The following FOCAD variants were observed in gnomAD, a reference collection of about 807,000 sequenced individuals.
The protein encoded by FOCAD is KIAA1797.
Under a neutral mutation model 225.6 loss-of-function variants are expected in FOCAD, and 198 were observed. That is an observed-to-expected ratio of 0.88 (90% CI 0.78 to 0.99). FOCAD has a LOEUF of 0.99. FOCAD is among the 50% of genes least tolerant of loss of function. The pLI is 0.00. For missense variants in FOCAD, 2,713 were observed against 2,123.6 expected (o/e 1.28, Z -5.46); for synonymous variants, 897 against 755.0 (o/e 1.19, Z -3.08).
chr9:20,693,291 C>T (rs550226995), intron 1 of FOCAD, among the ~76,000 whole-genome samples: 3 of 152,316 alleles, frequency 2.0e-5, no homozygotes, highest in South Asian at 2.1e-4. Context: ...TCTGAGATGA[C>T]GAAACTGCTC....
intron 33 of FOCAD, 32 bp from the exon 34 acceptor site, chr9:20,950,964 C>G: frequency 3.9e-6 from 6 of 1,557,584 alleles, no homozygotes; most frequent in South Asian, 1.1e-5. Context: ...GGATCTTATC[C>G]CATCATTGAA....
At chr9:20,734,161 T>A (rs1167152704) in intron 4 of FOCAD, among the ~76,000 whole-genome samples, 1 of 152,248 alleles carries the variant, frequency 6.6e-6, no homozygotes, top group African/African-American at 2.4e-5. Flanking sequence ...CTTTTTTTTC[T>A]TTTCTTAAAA....
chr9:20,694,022 T>A (rs1291725250), intron 1 of FOCAD, among the ~76,000 whole-genome samples: 1 of 152,226 alleles, frequency 6.6e-6, no homozygotes, highest in African/African-American at 2.4e-5. Context: ...CAATCCATTT[T>A]TTAAAAGAGG....
chr9:20,820,326 G>A lies in FOCAD; in HGVS notation c.1563G>A (p.Val521=), dbSNP rs372426888. The change falls in exon 13 of 44, where the codon GTG becomes GTA. Residue 521 remains valine (V), a splice_region_variant and synonymous_variant. Coordinates refer to ENST00000338382, the MANE Select transcript of FOCAD (RefSeq NM_001375567.1). ...AGAGTTTCTTCAATATTTTCTAGGT[G>A]TGTATAGGACAAATTCTACGAATAA... The part of the protein sequence containing the change: ...YTLPKLGVHK[V]CIGQILRIIQ... The A allele has an allele frequency of 1.9e-6, 3 of 1,607,152 alleles. No individual in the cohort carries two copies. Among genetic ancestry groups the A allele is most frequent in the African/African-American group, 2.7e-5 (2 of 74,528 alleles).
At chr9:20,938,069 G>A (rs1260161102) in intron 28 of FOCAD, among the ~76,000 whole-genome samples, 1 of 151,964 alleles carries the variant, frequency 6.6e-6, no homozygotes, top group Non-Finnish European at 1.5e-5. Context: ...TCATTAAAAA[G>A]TCAGGAAACA....
At chr9:20,895,218 G>A (rs1831976892) in intron 21 of FOCAD, among the ~76,000 whole-genome samples, 2 of 151,908 alleles carry the variant, frequency 1.3e-5, no homozygotes, top group South Asian at 2.1e-4. Context: ...CTTGATTACT[G>A]TAGCTCTATA....
rs771106211 is a variant in FOCAD at position 20,781,807 on chromosome 9, C to T, written c.1075C>T (p.Leu359=). 2 of 1,614,122 alleles carry T rather than the reference C, an allele frequency of 1.2e-6. No individual in the cohort carries two copies. Among genetic ancestry groups the T allele is most frequent in the South Asian group, 1.1e-5 (1 of 91,088 alleles). ...LLLVMPILQI[L]SSTALEDCIS... ...GCTAGTGATGCCAATTCTGCAGATA[C>T]TATCTTCTACTGCCTTGGAAGACTG... Residue 359 remains leucine, a synonymous_variant, in exon 10 of 44, where the codon CTA becomes TTA. Coordinates refer to ENST00000338382, the MANE Select transcript of FOCAD (RefSeq NM_001375567.1).
intron 11 of FOCAD, among the ~76,000 whole-genome samples, chr9:20,816,008 T>C (rs969743878): frequency 7.9e-5 from 12 of 152,150 alleles, no homozygotes; most frequent in Non-Finnish European, 1.3e-4. Flanking sequence ...ATTTGGGCTA[T>C]TATGCCTTGA....
At chr9:20,828,904 T>A (rs1183738840) in intron 15 of FOCAD, among the ~76,000 whole-genome samples, 2 of 152,154 alleles carry the variant, frequency 1.3e-5, no homozygotes, top group African/African-American at 4.8e-5. Context: ...TTTCTGTTCC[T>A]GCGTTAGTTT....
At position 20,778,692 on chromosome 9, in the gene FOCAD, T is replaced by C. The variant is rs1400712334; in HGVS notation, c.918T>C (p.Val306=). ...SVELLKEDFP[V]ELVIIGIALL... is the part of the protein sequence containing the mutation. ...CTCTATTCTTTTAGGATTTTCCTGTTGAACTGGTCATAATTGGAATAGCTT... is the reference window on the plus strand; with the variant it reads ...CTCTATTCTTTTAGGATTTTCCTGTCGAACTGGTCATAATTGGAATAGCTT... The change falls in exon 9 of 44, where the codon GTT becomes GTC. Residue 306 remains valine, a synonymous_variant. Coordinates refer to ENST00000338382, the MANE Select transcript of FOCAD (RefSeq NM_001375567.1). The C allele has an allele frequency of 6.2e-7, 1 of 1,608,800 alleles. No individual in the cohort carries two copies. The highest frequency in any genetic ancestry group is 8.5e-7 in the Non-Finnish European group (1 of 1,175,640).
chr9:20,981,313 C>T, intron 37 of FOCAD, 113 bp from the exon 38 acceptor site: 1 of 1,246,766 alleles, frequency 8.0e-7, no homozygotes, highest in Non-Finnish European at 1.1e-6. Flanking sequence ...AGGAAGTAAC[C>T]TGAACCTTTT....
intron 15 of FOCAD, among the ~76,000 whole-genome samples, chr9:20,853,585 G>C (rs1362784198): frequency 6.6e-6 from 1 of 151,662 alleles, no homozygotes; most frequent in African/African-American, 2.4e-5. Context: ...GATTCTCTAA[G>C]GCATAGTTTG....
intron 2 of FOCAD, among the ~76,000 whole-genome samples, chr9:20,664,237 A>C (rs1821829259): frequency 6.6e-6 from 1 of 151,076 alleles, no homozygotes; most frequent in Admixed American, 6.6e-5. Flanking sequence ...TTATAGTATT[A>C]AATTTATATC....
chr9:20,942,756 C>A (rs906606506), intron 28 of FOCAD, among the ~76,000 whole-genome samples: 4 of 152,134 alleles, frequency 2.6e-5, no homozygotes, highest in Non-Finnish European at 5.9e-5. Context: ...AAGGTATACC[C>A]ACCCTTATGG....
chr9:20,758,197 G>C lies in FOCAD; in HGVS notation c.494+6G>C. On this transcript the variant is annotated splice_donor_region_variant and intron_variant, in intron 6 of 43. Coordinates refer to ENST00000338382, the MANE Select transcript of FOCAD (RefSeq NM_001375567.1). ...TTCCAGCAGTGCCCTGAAAGGTAATGTAAAATAAAAGTGTAAAATAAAGTG... is the reference window on the plus strand; with the variant it reads ...TTCCAGCAGTGCCCTGAAAGGTAATCTAAAATAAAAGTGTAAAATAAAGTG... The C allele has an allele frequency of 6.2e-7, 1 of 1,603,732 alleles. No homozygotes were observed. Among genetic ancestry groups the C allele is most frequent in the Non-Finnish European group, 8.5e-7 (1 of 1,173,590 alleles).
intron 28 of FOCAD, among the ~76,000 whole-genome samples, chr9:20,935,332 G>A (rs1835848590): frequency 1.3e-5 from 2 of 152,080 alleles, no homozygotes; most frequent in South Asian, 4.1e-4. Flanking sequence ...TTTGACTTAC[G>A]TTTATCATAC....
At chr9:20,878,819 G>GGTGTAACTCTC (rs1830440369) in intron 19 of FOCAD, among the ~76,000 whole-genome samples, 1 of 152,136 alleles carries the variant, frequency 6.6e-6, no homozygotes, top group Non-Finnish European at 1.5e-5. Flanking sequence ...GGAAGTGGGT[G>GGTGTAACTCTC]GTGTAACTCT....
At chr9:20,789,716 T>A in intron 11 of FOCAD, 108 bp downstream of exon 11, 1 of 1,392,854 alleles carries the variant, frequency 7.2e-7, no homozygotes, top group Non-Finnish European at 9.6e-7. Context: ...AAATTATGGG[T>A]TGATGATTTT....
chr9:20,772,356 T>A (rs1045146701), intron 8 of FOCAD, among the ~76,000 whole-genome samples: 1 of 152,150 alleles, frequency 6.6e-6, no homozygotes, highest in Non-Finnish European at 1.5e-5. Context: ...TTGTAGACAT[T>A]AACTTTGGGG....
Sources: allele counts gnomAD v4.1 joint callset (sites outside exome capture counted in the v4.1 genomes callset), GRCh38; gene constraint gnomAD v4.1.1; transcripts MANE v1.5; gene names NCBI Gene and HGNC (gene_info 2026-07-23, HGNC 2026-07-21).